The following BRD4 variants were observed in gnomAD, a reference collection of about 807,000 sequenced individuals.
BRD4 encodes the protein bromodomain containing 4, also known as bromodomain-containing protein 4.
BRD4 carries 16 observed loss-of-function variants against 142.1 expected under a neutral mutation model. The observed-to-expected ratio is 0.11, with a 90% CI of 0.08 to 0.17. BRD4 has a LOEUF of 0.17. Among genes scored for constraint, BRD4 ranks in the 10% least tolerant of loss-of-function variants. BRD4 has a pLI of 1.00. For missense variants in BRD4, 1,424 were observed against 1,810.9 expected (o/e 0.79, Z 3.88); for synonymous variants, 833 against 707.5 (o/e 1.18, Z -2.82).
intron 2 of BRD4, among the ~76,000 whole-genome samples, chr19:15,270,103 A>G (rs1011950241): frequency 6.6e-6 from 1 of 152,220 alleles, no homozygotes; most frequent in Non-Finnish European, 1.5e-5. Context: ...AATTAAGTTC[A>G]AGTGGTGTAT....
At position 15,238,136 on chromosome 19, in the gene BRD4, G is replaced by A. The variant is rs2047208558; in HGVS notation, c.*241C>T. The stretch of plus-strand genomic sequence containing the variant: ...AGCCGGCACTTGCTCGTAACAAGGC[G>A]TGTGCTGAGCGGACGTCCTGTGAGG... On this transcript the variant is annotated 3_prime_UTR_variant, in exon 20 of 20. Transcript: ENST00000679869. This position sits in a 1 kb window ranked among gnomAD's most constrained non-coding sequence, Gnocchi z 7.2. 4 of 566,842 alleles carry A rather than the reference G, an allele frequency of 7.1e-6. No homozygotes were observed. Among genetic ancestry groups the A allele is most frequent in the Non-Finnish European group, 1.2e-5 (4 of 323,592 alleles). 35.1% of individuals were successfully genotyped at this position (566,842 alleles called of 1,614,324 possible).
chr19:15,236,764 G>T lies in BRD4; in HGVS notation c.*1613C>A. ...AGTAGTTCCTGTACAGAGGTGGTCT[G>T]GGGTCCAGGGGGTCCCCTGGGCCTA... On this transcript the variant is annotated 3_prime_UTR_variant, in exon 20 of 20. Coordinates refer to ENST00000679869, the MANE Select transcript of BRD4 (RefSeq NM_001379291.1). 5.7e-6 allele frequency: 1 copy of T among 176,370 alleles called. No homozygotes were observed. Among genetic ancestry groups the T allele is most frequent in the Admixed American group, 6.3e-5 (1 of 15,776 alleles). The allele number at this position is 176,370 out of a possible 1,614,324, so 10.9% of individuals were successfully genotyped here.
At chr19:15,240,398 G>C (rs1336543590) in intron 14 of BRD4, among the ~76,000 whole-genome samples, 4 of 152,146 alleles carry the variant, frequency 2.6e-5, no homozygotes, top group African/African-American at 9.7e-5. Flanking sequence ...GGCAGGGCCT[G>C]GGCCCTAATA....
chr19:15,310,053 G>C (rs2047953264), intron 1 of BRD4, among the ~76,000 whole-genome samples: 1 of 151,994 alleles, frequency 6.6e-6, no homozygotes, highest in Admixed American at 6.6e-5. Context: ...AATGCATAGA[G>C]AAATGTTAAT....
chr19:15,273,028 G>A lies in BRD4; in HGVS notation c.72C>T (p.Ser24=), dbSNP rs771191891. Residue 24 remains serine, a synonymous_variant, in exon 2 of 20, where the codon TCC becomes TCT. Transcript: ENST00000679869. Reference sequence around the variant, plus strand: ...CCTGGGCCTGTGTTGTAGACATTTGGGAAGTTTCTAGTCCATCCCCCATTA... The same window carrying A: ...CCTGGGCCTGTGTTGTAGACATTTGAGAAGTTTCTAGTCCATCCCCCATTA... ...LPVMGDGLET[S]QMSTTQAQAQ... The A allele has an allele frequency of 6.2e-7, 1 of 1,613,954 alleles. No individual in the cohort carries two copies. Among genetic ancestry groups the A allele is most frequent in the Non-Finnish European group, 8.5e-7 (1 of 1,179,850 alleles).
chr19:15,261,391 G>A (rs759920969), intron 7 of BRD4, among the ~76,000 whole-genome samples: 4 of 152,098 alleles, frequency 2.6e-5, no homozygotes, highest in African/African-American at 9.7e-5. Flanking sequence ...GCTGAGGCAG[G>A]AGAACTGCTT....
intron 11 of BRD4, among the ~76,000 whole-genome samples, chr19:15,250,973 C>T (rs183779423): frequency 2.6e-5 from 4 of 152,298 alleles, no homozygotes; most frequent in Non-Finnish European, 4.4e-5. Flanking sequence ...TGTCTCAATA[C>T]AGAATCCTCA....
At chr19:15,305,166 C>T (rs570544077) in intron 1 of BRD4, among the ~76,000 whole-genome samples, 2 of 152,040 alleles carry the variant, frequency 1.3e-5, no homozygotes, top group African/African-American at 4.8e-5. Flanking sequence ...TTTCTCCCAC[C>T]TCAGCCTCCC....
At chr19:15,255,161 T>C in intron 10 of BRD4, 136 bp downstream of exon 10, 1 of 881,188 alleles carries the variant, frequency 1.1e-6, no homozygotes, top group Admixed American at 2.9e-5. Flanking sequence ...CGGAGGTTTC[T>C]GTGTCAAGAA....
chr19:15,249,071 G>T, intron 11 of BRD4: 4 of 718,740 alleles, frequency 5.6e-6, no homozygotes, highest in Non-Finnish European at 9.1e-6. Flanking sequence ...TGGGCGGCTG[G>T]CCAGGCAGGC....
chr19:15,270,653 G>C (rs190506787), intron 2 of BRD4, among the ~76,000 whole-genome samples: 1 of 152,158 alleles, frequency 6.6e-6, no homozygotes, highest in Non-Finnish European at 1.5e-5. Flanking sequence ...TGGATAGTAC[G>C]GTTTGGGGCC....
chr19:15,311,509 G>A (rs773647136), intron 1 of BRD4, among the ~76,000 whole-genome samples: 3 of 151,972 alleles, frequency 2.0e-5, no homozygotes, highest in East Asian at 1.9e-4. Flanking sequence ...TGTCTGAATC[G>A]GCCAGGTGCA....
At chr19:15,267,583 G>C (rs1459983969) in intron 3 of BRD4, 32 bp from the exon 4 acceptor site, 1 of 1,606,782 alleles carries the variant, frequency 6.2e-7, no homozygotes, top group African/African-American at 1.3e-5. Flanking sequence ...TAGAGTCAGA[G>C]GGCCCTCCCC....
intron 1 of BRD4, among the ~76,000 whole-genome samples, chr19:15,275,303 A>G (rs1258569441): frequency 6.6e-6 from 1 of 152,246 alleles, no homozygotes; most frequent in Non-Finnish European, 1.5e-5. Context: ...AGTGATGCAC[A>G]GTAACAGTTA....
At chr19:15,303,338 C>A (rs766410183) in intron 1 of BRD4, among the ~76,000 whole-genome samples, 1 of 152,154 alleles carries the variant, frequency 6.6e-6, no homozygotes, top group Non-Finnish European at 1.5e-5. Flanking sequence ...CCTGGAGGAC[C>A]TTCCTTGGCC....
chr19:15,264,677 G>A lies in BRD4; in HGVS notation c.939C>T (p.Pro313=), dbSNP rs776506668. 1.9e-6 allele frequency: 3 copies of A among 1,613,422 alleles called. No homozygotes were observed. Among genetic ancestry groups the A allele is most frequent in the Non-Finnish European group, 2.5e-6 (3 of 1,180,028 alleles). Residue 313 remains proline, a synonymous_variant, in exon 6 of 20, where the codon CCC becomes CCT. Transcript: ENST00000679869. The stretch of plus-strand genomic sequence containing the variant: ...GCCGCTGGCCCAGCTTGGTGGTCTT[G>A]GGCTCCGGGGGCAGCGAGGGTGGCT... ...IHEPPSLPPE[P]KTTKLGQRRE...
intron 4 of BRD4, among the ~76,000 whole-genome samples, chr19:15,266,056 G>A (rs753586411): frequency 6.6e-6 from 1 of 152,208 alleles, no homozygotes; most frequent in Admixed American, 6.5e-5. Flanking sequence ...GGCAGTAGCC[G>A]CCCTTGCCAA....
At chr19:15,320,690 G>A (rs187656506) in intron 1 of BRD4, among the ~76,000 whole-genome samples, 8 of 152,286 alleles carry the variant, frequency 5.3e-5, no homozygotes, top group African/African-American at 7.2e-5. Context: ...AGTAACTCCT[G>A]AGACTTGGCT....
At position 15,264,554 on chromosome 19, in the gene BRD4, G is replaced by C. The variant is rs2145599387; in HGVS notation, c.1062C>G (p.Leu354=). The C allele has an allele frequency of 6.2e-7, 1 of 1,614,212 alleles. No individual in the cohort carries two copies. Among genetic ancestry groups the C allele is most frequent in the South Asian group, 1.1e-5 (1 of 91,086 alleles). ...PEKSSKVSEQ[L]KCCSGILKEM... ...CCTTGAGGATGCCGCTGCAGCACTT[G>C]AGCTGCTCCGAGACCTTGCTGCTCT... is the stretch of plus-strand genomic sequence containing the variant. The change falls in exon 6 of 20, where the codon CTC becomes CTG. Residue 354 remains leucine, a synonymous_variant. Transcript: ENST00000679869.
Sources: allele counts gnomAD v4.1 joint callset (sites outside exome capture counted in the v4.1 genomes callset), GRCh38; gene constraint gnomAD v4.1.1; non-coding constraint Gnocchi (gnomAD v3.1); transcripts MANE v1.5; gene names NCBI Gene and HGNC (gene_info 2026-07-23, HGNC 2026-07-21).